The following VIT variants were observed in gnomAD, a reference collection of about 807,000 sequenced individuals.
The protein encoded by VIT is vitrin.
In VIT, 99 loss-of-function variants were observed where a neutral mutation model predicts 78.0. The ratio of observed to expected loss-of-function variants is 1.27; its 90% CI spans 1.08 to 1.50. The LOEUF (loss-of-function observed/expected upper bound fraction) is 1.50, where lower values mean the gene tolerates loss of function less well. Among genes scored for constraint, VIT ranks in the 40% most tolerant of loss-of-function variants. The pLI is 0.00. For missense variants in VIT, 1,126 were observed against 875.3 expected, an observed-to-expected ratio of 1.29 and a Z score of -3.61; for synonymous variants, 374 against 334.3, an observed-to-expected ratio of 1.12 and a Z score of -1.29.
intron 13 of VIT, among the ~76,000 whole-genome samples, chr2:36,802,303 T>G (rs7578448): frequency 0.09 from 13,667 of 152,142 alleles, 1,205 homozygotes; most frequent in African/African-American, 0.24. Context: ...ATTGGCTTTT[T>G]GGGCACTGGA....
At chr2:36,748,384 G>A (rs1272643083) in intron 4 of VIT, among the ~76,000 whole-genome samples, 1 of 152,130 alleles carries the variant, frequency 6.6e-6, no homozygotes, top group Non-Finnish European at 1.5e-5. Flanking sequence ...GCCTCCTTTG[G>A]TTGGTCACTT....
intron 5 of VIT, among the ~76,000 whole-genome samples, chr2:36,755,729 C>A (rs1668720074): frequency 6.6e-6 from 1 of 152,076 alleles, no homozygotes; most frequent in Non-Finnish European, 1.5e-5. Context: ...TTCTGTCATT[C>A]CTTCCACATT....
At chr2:36,715,575 C>T (rs1666078395) in intron 1 of VIT, among the ~76,000 whole-genome samples, 1 of 151,682 alleles carries the variant, frequency 6.6e-6, no homozygotes, top group African/African-American at 2.4e-5. Flanking sequence ...AGAAGCCCGA[C>T]TCAAAACCAC....
At chr2:36,762,543 G>C (rs561369065) in intron 6 of VIT, among the ~76,000 whole-genome samples, 1 of 152,272 alleles carries the variant, frequency 6.6e-6, no homozygotes, top group South Asian at 2.1e-4. Flanking sequence ...CAAGTCCTAA[G>C]TCCTTAGTCT....
intron 1 of VIT, among the ~76,000 whole-genome samples, chr2:36,699,276 C>T (rs1664870508): frequency 2.0e-5 from 2 of 99,504 alleles, no homozygotes; most frequent in Admixed American, 2.6e-4. Context: ...ACAAGATAGT[C>T]TCTAAGCTTC....
chr2:36,777,003 G>GTT (rs1670104508), intron 9 of VIT, among the ~76,000 whole-genome samples: 1 of 148,320 alleles, frequency 6.7e-6, no homozygotes, highest in Non-Finnish European at 1.5e-5. Flanking sequence ...GCAGGAGAAT[G>GTT]GCATGAACCC....
chr2:36,790,998 A>T (rs9308999), intron 12 of VIT, among the ~76,000 whole-genome samples: 108,502 of 151,962 alleles, frequency 0.71, 39,231 homozygotes, highest in East Asian at 0.99. Context: ...AGGTGCTAAC[A>T]GTCCTCCAGA....
intron 1 of VIT, among the ~76,000 whole-genome samples, chr2:36,698,760 A>G (rs923714214): frequency 1.1e-4 from 17 of 152,252 alleles, no homozygotes; most frequent in African/African-American, 4.1e-4. Flanking sequence ...CCTGGCCAAC[A>G]TGGTGAAACC....
chr2:36,774,704 G>T, intron 8 of VIT: 2 of 985,326 alleles, frequency 2.0e-6, no homozygotes, highest in Non-Finnish European at 2.4e-6. Context: ...TGTTGTCCTG[G>T]ACAAAAAGGC....
chr2:36,703,640 C>T (rs548187223), intron 1 of VIT, among the ~76,000 whole-genome samples: 21 of 152,248 alleles, frequency 1.4e-4, no homozygotes, highest in East Asian at 1.9e-4. Context: ...TCAAATATGA[C>T]GCTTGAAAAA....
At chr2:36,700,494 C>T (rs938085075) in intron 1 of VIT, among the ~76,000 whole-genome samples, 2 of 152,098 alleles carry the variant, frequency 1.3e-5, no homozygotes, top group Non-Finnish European at 2.9e-5. Context: ...GTGAATCCAA[C>T]ACTTTGGGTG....
chr2:36,697,418 T>G (rs1664747521), intron 1 of VIT, among the ~76,000 whole-genome samples: 2 of 152,242 alleles, frequency 1.3e-5, no homozygotes, highest in Non-Finnish European at 2.9e-5. Flanking sequence ...GGTGCTAACT[T>G]AAAAGAGAAA....
At chr2:36,716,313 C>A (rs570518257) in intron 1 of VIT, 40 bp from the exon 2 acceptor site, 2 of 1,571,356 alleles carry the variant, frequency 1.3e-6, no homozygotes, top group Admixed American at 1.7e-5. Context: ...TCAGAACCCC[C>A]GGCTGAAATA....
Position 36,814,536 on chromosome 2 carries a change from A to T in VIT, c.*175A>T, listed in dbSNP as rs917303461. ...TTTTCATATTCCAAAACTTGGAGTT[A>T]CAAAGATGATCACAAACGTATAGAA... On this transcript the variant is annotated 3_prime_UTR_variant, in exon 16 of 16. Transcript: ENST00000379242. 2.2e-5 allele frequency: 18 copies of T among 804,602 alleles called. No homozygotes were observed. In the South Asian group the frequency reaches 3.1e-4, roughly 14 times the overall value. 49.8% of individuals were successfully genotyped at this position (804,602 alleles called of 1,614,324 possible). A position where few individuals can be genotyped will look rare whatever the true frequency, so the allele number is the denominator to read the frequency against.
At chr2:36,803,119 A>T (rs1197513485) in intron 13 of VIT, among the ~76,000 whole-genome samples, 1 of 152,162 alleles carries the variant, frequency 6.6e-6, no homozygotes, top group Non-Finnish European at 1.5e-5. Context: ...TCCCTGTGCC[A>T]TTCACACCCA....
chr2:36,775,677 C>T (rs991605895), intron 9 of VIT, among the ~76,000 whole-genome samples: 4 of 152,128 alleles, frequency 2.6e-5, no homozygotes, highest in Non-Finnish European at 5.9e-5. Context: ...CTAGATGTTC[C>T]TTTACCTTCA....
chr2:36,794,484 T>A (rs1349541914), intron 12 of VIT, among the ~76,000 whole-genome samples: 1 of 152,220 alleles, frequency 6.6e-6, no homozygotes, highest in Non-Finnish European at 1.5e-5. Flanking sequence ...AACCTATGTA[T>A]CTCGGAAAAG....
intron 11 of VIT, among the ~76,000 whole-genome samples, chr2:36,786,165 CTCT>C (rs1052372193): frequency 1.3e-5 from 2 of 148,216 alleles, no homozygotes; most frequent in African/African-American, 5.3e-5. Context: ...ACTTTACTCA[CTCT>C]TTTTTTTTTT....
At chr2:36,811,035 T>C (rs1180042014) in intron 15 of VIT, among the ~76,000 whole-genome samples, 1 of 152,248 alleles carries the variant, frequency 6.6e-6, no homozygotes, top group Non-Finnish European at 1.5e-5. Flanking sequence ...TCAACAATGC[T>C]GGTTCCTAGA....
Sources: allele counts gnomAD v4.1 joint callset (sites outside exome capture counted in the v4.1 genomes callset), GRCh38; gene constraint gnomAD v4.1.1; transcripts MANE v1.5; gene names NCBI Gene and HGNC (gene_info 2026-07-23, HGNC 2026-07-21).